The following KLF7 variants were observed in gnomAD, a reference collection of about 807,000 sequenced individuals.
KLF7 encodes KLF transcription factor 7.
A neutral mutation model predicts 27.3 loss-of-function variants in KLF7; 2 were observed. The ratio of observed to expected loss-of-function variants is 0.07; its 90% CI spans 0.03 to 0.23. KLF7 has a LOEUF of 0.23. Among genes scored for constraint, KLF7 ranks in the 10% least tolerant of loss-of-function variants. The probability of loss-of-function intolerance (pLI) is 1.00; values close to 1 mark genes in which losing one functional copy is unlikely to be tolerated. For synonymous variants in KLF7, 165 were observed against 162.4 expected, an observed-to-expected ratio of 1.02 and a Z score of -0.12; for missense variants, 221 against 394.1, an observed-to-expected ratio of 0.56 and a Z score of 3.72.
At chr2:207,164,868 G>T (rs2078657393) in intron 1 of KLF7, among the ~76,000 whole-genome samples, 1 of 152,132 alleles carries the variant, frequency 6.6e-6, no homozygotes, top group Non-Finnish European at 1.5e-5. Context: ...ACATCTTCCC[G>T]TCCTCCTTGA....
At chr2:207,158,964 T>C (rs1028890371) in intron 1 of KLF7, among the ~76,000 whole-genome samples, 1 of 152,200 alleles carries the variant, frequency 6.6e-6, no homozygotes, top group Non-Finnish European at 1.5e-5. Flanking sequence ...CTGTGTGACC[T>C]TGGAGAGTGC....
chr2:207,088,852 G>C (rs561838657), intron 2 of KLF7, among the ~76,000 whole-genome samples: 1 of 152,238 alleles, frequency 6.6e-6, no homozygotes, highest in South Asian at 2.1e-4. Context: ...CCCAGAGTCA[G>C]AGCATTTCCT....
upstream of KLF7, among the ~76,000 whole-genome samples, chr2:207,168,025 G>T (rs1277794143): frequency 6.6e-6 from 1 of 152,140 alleles, no homozygotes; most frequent in Non-Finnish European, 1.5e-5. Context: ...CCTTCTCCAT[G>T]CTCTCCCCTG....
intron 2 of KLF7, among the ~76,000 whole-genome samples, chr2:207,105,920 C>T (rs1192711908): frequency 6.6e-6 from 1 of 152,000 alleles, no homozygotes; most frequent in African/African-American, 2.4e-5. Context: ...AAAATACGCA[C>T]CAGATTTTGA....
chr2:207,118,302 T>A (rs550840109), intron 2 of KLF7, among the ~76,000 whole-genome samples: 1 of 152,156 alleles, frequency 6.6e-6, no homozygotes, highest in African/African-American at 2.4e-5. Context: ...AACCATAAAA[T>A]AGTAGCTTTA....
At chr2:207,113,982 G>GA (rs1241299460) in intron 2 of KLF7, among the ~76,000 whole-genome samples, 1 of 151,850 alleles carries the variant, frequency 6.6e-6, no homozygotes, top group African/African-American at 2.4e-5. Context: ...AACAAAGAAT[G>GA]AAAAAAACAA....
chr2:207,082,363 G>A (rs1039690223), intron 3 of KLF7, among the ~76,000 whole-genome samples: 4 of 152,146 alleles, frequency 2.6e-5, no homozygotes, highest in African/African-American at 9.7e-5. Flanking sequence ...GAGTTGGCTG[G>A]AGAATGAAGT....
chr2:207,170,298 C>T (rs147233725), upstream of KLF7, among the ~76,000 whole-genome samples: 21 of 152,126 alleles, frequency 1.4e-4, no homozygotes, highest in East Asian at 3.9e-3. Flanking sequence ...TTCAATATTA[C>T]GAAGGATGAG....
At chr2:207,173,415 T>C in the KLF7 span, among the ~76,000 whole-genome samples, 3 of 152,108 alleles carry the variant, frequency 2.0e-5, no homozygotes, top group Non-Finnish European at 4.4e-5. Context: ...ATATGTGTGT[T>C]TTTTGTGAGT....
chr2:207,091,992 TGA>T (rs35773481), intron 2 of KLF7, among the ~76,000 whole-genome samples: 11,335 of 152,268 alleles, frequency 0.074, 515 homozygotes, highest in Middle Eastern at 0.13. Context: ...GCTTTCTTTA[TGA>T]GAGAGAGGAA....
intron 1 of KLF7, among the ~76,000 whole-genome samples, chr2:207,158,021 GA>G (rs77190743): frequency 0.24 from 36,374 of 151,992 alleles, 5,152 homozygotes; most frequent in Middle Eastern, 0.32. Context: ...TTTCTGGTTA[GA>G]AAAAAATGAG....
At chr2:207,173,362 C>T in the KLF7 span, among the ~76,000 whole-genome samples, 1 of 152,182 alleles carries the variant, frequency 6.6e-6, no homozygotes. Context: ...CGCGGCAGTA[C>T]TATTGCTATT....
chr2:207,102,169 C>T (rs921824263), intron 2 of KLF7, among the ~76,000 whole-genome samples: 2 of 150,156 alleles, frequency 1.3e-5, no homozygotes, highest in East Asian at 2.0e-4. Flanking sequence ...CCCTGCCCTC[C>T]CCCCCAATCT....
At chr2:207,131,180 T>TG (rs1164929090) in intron 1 of KLF7, among the ~76,000 whole-genome samples, 10 of 152,176 alleles carry the variant, frequency 6.6e-5, no homozygotes, top group African/African-American at 2.4e-4. Context: ...ATGATGATGG[T>TG]GGTGAGAAGG....
Position 207,154,988 on chromosome 2 carries a change from G to A in KLF7, c.102+10479C>T, listed in dbSNP as rs534944716. Among the ~76,000 whole-genome samples, 4 of 152,294 alleles carry A rather than the reference G, an allele frequency of 2.6e-5. No homozygotes were observed. The South Asian group carries it at 6.2e-4, about 24-fold the overall frequency. ...ACTGGGCCACTGACTGCCAGGTCAC[G>A]ACCTTTGGCTTCTGCCCTAATGTCC... is the stretch of plus-strand genomic sequence containing the variant. On this transcript the variant is annotated intron_variant, in intron 1 of 3. Coordinates refer to ENST00000309446, the MANE Select transcript of KLF7 (RefSeq NM_003709.4).
At chr2:207,165,372 A>C in intron 1 of KLF7, 95 bp downstream of exon 1, 1 of 1,553,600 alleles carries the variant, frequency 6.4e-7, no homozygotes, top group African/African-American at 1.4e-5. Flanking sequence ...AAGTCAAACA[A>C]ACAAACAAAA....
At chr2:207,086,186 C>G (rs189118276) in intron 3 of KLF7, among the ~76,000 whole-genome samples, 36 of 152,286 alleles carry the variant, frequency 2.4e-4, no homozygotes, top group African/African-American at 7.9e-4. Flanking sequence ...GCGGTACCAA[C>G]AGGATGCCAT....
intron 1 of KLF7, among the ~76,000 whole-genome samples, chr2:207,160,566 G>A (rs913281083): frequency 6.8e-6 from 1 of 147,124 alleles, no homozygotes; most frequent in African/African-American, 2.5e-5. Context: ...TGAGCCAGAT[G>A]GGACTGGCCA....
chr2:207,110,188 C>T (rs2076995497), intron 2 of KLF7: 1 of 154,602 alleles, frequency 6.5e-6, no homozygotes, highest in South Asian at 2.0e-4. Flanking sequence ...AATTTAAATC[C>T]TTTTACCTGA....
Sources: gnomAD v4.1 joint callset for allele counts (sites outside exome capture counted in the v4.1 genomes callset) on GRCh38, gnomAD v4.1.1 for gene constraint, MANE v1.5 for transcripts, NCBI Gene and HGNC (gene_info 2026-07-23, HGNC 2026-07-21) for gene names.